The following GRK4 variants were observed in gnomAD, a reference collection of about 807,000 sequenced individuals.
GRK4 encodes G protein-coupled receptor kinase 4, also known as G protein-coupled receptor kinase 2-like.
A neutral mutation model predicts 77.9 loss-of-function variants in GRK4; 73 were observed. That is an observed-to-expected ratio of 0.94 (90% CI 0.78 to 1.14). GRK4 has a LOEUF of 1.14. Among genes scored for constraint, GRK4 ranks in the 50% most tolerant of loss-of-function variants. The pLI is 0.00. For synonymous variants in GRK4, 257 were observed against 254.4 expected (o/e 1.01, Z -0.10); for missense variants, 729 against 700.2 (o/e 1.04, Z -0.46).
At chr4:3,023,877 A>T (rs1377757652) in intron 10 of GRK4, among the ~76,000 whole-genome samples, 1 of 152,210 alleles carries the variant, frequency 6.6e-6, no homozygotes, top group African/African-American at 2.4e-5. Flanking sequence ...TGTGTAAACA[A>T]AGCAGGGAAT....
At chr4:3,013,602 G>A in intron 7 of GRK4, 86 bp from the exon 8 acceptor site, 1 of 1,468,920 alleles carries the variant, frequency 6.8e-7, no homozygotes. Flanking sequence ...TGCCAGTGAG[G>A]GTCTCATCAA....
rs758882045 is a variant in GRK4 at position 3,004,234 on chromosome 4, G to A, written c.343G>A (p.Ala115Thr). The A allele has an allele frequency of 1.9e-6, 3 of 1,609,790 alleles. No individual in the cohort carries two copies. In the African/African-American group the frequency reaches 4.0e-5, roughly 22 times the overall value. Residue 115 changes from alanine to threonine, a missense_variant, in exon 5 of 16, where the codon GCA becomes ACA. Ala to Thr is a moderately conservative substitution (Grantham distance 58, BLOSUM62 0). Coordinates refer to ENST00000398052, the MANE Select transcript of GRK4 (RefSeq NM_182982.3). ...ATTTGGTTTGTACTGTATTAAGTTG[G>A]CAGCCCCTTTACCAGAAATACCTCC... Reference protein sequence around the residue: ...ILDRFFNDKLAAPLPEIPPDV... With the variant: ...ILDRFFNDKLTAPLPEIPPDV...
chr4:3,037,806 T>C (rs1222043980), intron 14 of GRK4, among the ~76,000 whole-genome samples: 1 of 150,974 alleles, frequency 6.6e-6, no homozygotes, highest in African/African-American at 2.4e-5. Flanking sequence ...TCCCAGCTAG[T>C]AGGGATGCTG....
chr4:3,028,028 G>C, intron 11 of GRK4, 27 bp downstream of exon 11: 1 of 1,603,566 alleles, frequency 6.2e-7, no homozygotes, highest in Non-Finnish European at 8.5e-7. Flanking sequence ...CGGCGTCCTT[G>C]TCCTTTCTAT....
chr4:3,009,625 A>C, intron 6 of GRK4, 23 bp from the exon 7 acceptor site: 1 of 1,597,304 alleles, frequency 6.3e-7, no homozygotes. Context: ...TGAGACCTGA[A>C]ACTTGTTTTT....
intron 5 of GRK4, among the ~76,000 whole-genome samples, chr4:3,005,864 T>C (rs180929972): frequency 6.6e-6 from 1 of 152,142 alleles, no homozygotes; most frequent in East Asian, 1.9e-4. Flanking sequence ...TCTGGCTTTC[T>C]CTTGAGGTGT....
intron 4 of GRK4, among the ~76,000 whole-genome samples, chr4:2,993,534 C>T (rs1407265012): frequency 6.6e-6 from 1 of 151,976 alleles, no homozygotes; most frequent in African/African-American, 2.4e-5. Context: ...ATTAGCCAGG[C>T]GTGGTGGTGC....
At chr4:3,002,763 G>T (rs6840170) in intron 4 of GRK4, among the ~76,000 whole-genome samples, 4,696 of 152,130 alleles carry the variant, frequency 0.031, 205 homozygotes, top group African/African-American at 0.1. Flanking sequence ...GGAGGTGGAG[G>T]TAGGAGGATT....
At chr4:2,982,718 A>G (rs1723179897) in intron 1 of GRK4, among the ~76,000 whole-genome samples, 3 of 152,346 alleles carry the variant, frequency 2.0e-5, no homozygotes, top group South Asian at 4.1e-4. Flanking sequence ...ATAACCCTGA[A>G]AAAAATAACC....
At position 3,010,210 on chromosome 4, in the gene GRK4, G is replaced by GT. The variant is rs148076893; in HGVS notation, c.600+507dup. Among the ~76,000 whole-genome samples the GT allele has an allele frequency of 9.9e-5, 15 of 151,560 alleles. No individual in the cohort carries two copies. In the South Asian group the frequency reaches 1.0e-3, roughly 11 times the overall value. Reference sequence around the variant, plus strand: ...AATGACTCACAGACTCACGAGGGGTGTTTTTTTTGTTTTGTTTTGTTTTGT... The same window carrying GT: ...AATGACTCACAGACTCACGAGGGGTGTTTTTTTTTGTTTTGTTTTGTTTTGT... On this transcript the variant is annotated intron_variant, in intron 7 of 15. Transcript: ENST00000398052.
intron 15 of GRK4, among the ~76,000 whole-genome samples, chr4:3,040,285 A>G (rs1286018519): frequency 6.6e-6 from 1 of 152,038 alleles, no homozygotes; most frequent in South Asian, 2.1e-4. Context: ...TGCTAAAAAT[A>G]CAAAACTTAG....
In GRK4 at chr4:3,009,685, G is replaced by T. The variant is rs755846722; in HGVS notation, c.574G>T (p.Val192Phe). 1.5e-5 allele frequency: 25 copies of T among 1,613,866 alleles called. No individual in the cohort carries two copies. The highest frequency in any genetic ancestry group is 1.1e-5 in the South Asian group (1 of 91,074). The change falls in exon 7 of 16, where the codon GTT (valine) becomes TTT (phenylalanine). Residue 192 changes from valine (V) to phenylalanine (F), a missense_variant. Physicochemically the swap from Val to Phe is conservative, Grantham distance 50. Transcript: ENST00000398052. Reference sequence around the variant, plus strand: ...AAAGAACACATTTAGACATTACAGAGTTCTAGGAAAAGGCGGATTTGGAGA... The same window carrying T: ...AAAGAACACATTTAGACATTACAGATTTCTAGGAAAAGGCGGATTTGGAGA... ...VTKNTFRHYR[V>F]LGKGGFGEVC... is the part of the protein sequence containing the mutation.
At position 3,038,525 on chromosome 4, in the gene GRK4, TA is replaced by T; in HGVS notation, c.1683+17del. 6.3e-7 allele frequency: 1 copy of T among 1,589,494 alleles called. No homozygotes were observed. Among genetic ancestry groups the T allele is most frequent in the South Asian group, 1.1e-5 (1 of 88,568 alleles). ...TCTTCAGAAGAGGGGTAAAAAGACT[TA>T]AAAACTAATATATGTGTGTGTATGT... On this transcript the variant is annotated intron_variant, in intron 15 of 15. Coordinates refer to ENST00000398052, the MANE Select transcript of GRK4 (RefSeq NM_182982.3).
intron 12 of GRK4, among the ~76,000 whole-genome samples, chr4:3,030,734 A>AGGG (rs1384334057): frequency 6.8e-6 from 1 of 147,498 alleles, no homozygotes; most frequent in Non-Finnish European, 1.5e-5. Flanking sequence ...CAAGAGCAGG[A>AGGG]GGGGGTTAGA....
At chr4:3,024,982 A>C (rs1457757456) in intron 10 of GRK4, among the ~76,000 whole-genome samples, 1 of 152,058 alleles carries the variant, frequency 6.6e-6, no homozygotes, top group Non-Finnish European at 1.5e-5. Context: ...ATTTAAAGTC[A>C]CTCAGAGGCC....
chr4:3,032,991 A>T (rs1006933095), intron 12 of GRK4, among the ~76,000 whole-genome samples: 1 of 152,166 alleles, frequency 6.6e-6, no homozygotes, highest in Non-Finnish European at 1.5e-5. Context: ...TGAGTAATTT[A>T]TCAACAGCAG....
intron 9 of GRK4, among the ~76,000 whole-genome samples, chr4:3,022,019 GGTACA>G (rs1420222341): frequency 1.3e-5 from 2 of 152,134 alleles, no homozygotes; most frequent in Non-Finnish European, 2.9e-5. Flanking sequence ...TGGGACTACA[GGTACA>G]CACCACTGCA....
chr4:3,000,002 T>G (rs996691380), intron 4 of GRK4, among the ~76,000 whole-genome samples: 1 of 152,200 alleles, frequency 6.6e-6, no homozygotes, highest in Admixed American at 6.6e-5. Context: ...AGAAGCATAT[T>G]TCTGCAAAAT....
At chr4:3,020,777 T>G (rs1735845241) in intron 9 of GRK4, among the ~76,000 whole-genome samples, 1 of 151,562 alleles carries the variant, frequency 6.6e-6, no homozygotes, top group Non-Finnish European at 1.5e-5. Context: ...CAGAAAATCC[T>G]GCTCAACAGG....
Sources: allele counts gnomAD v4.1 joint callset (sites outside exome capture counted in the v4.1 genomes callset), GRCh38; gene constraint gnomAD v4.1.1; transcripts MANE v1.5; gene names NCBI Gene and HGNC (gene_info 2026-07-23, HGNC 2026-07-21).